Variants in CCDC62 observed in about 807,000 individuals in gnomAD.
CCDC62 encodes the protein coiled-coil domain-containing protein 62.
Under a neutral mutation model 80.8 loss-of-function variants are expected in CCDC62, and 72 were observed. The ratio of observed to expected loss-of-function variants is 0.89; its 90% confidence interval spans 0.74 to 1.08. CCDC62 has a LOEUF of 1.08. Among genes scored for constraint, CCDC62 ranks in the 50% least tolerant of loss-of-function variants. The probability of loss-of-function intolerance (pLI) is 0.00; values close to 1 mark genes in which losing one functional copy is unlikely to be tolerated. For missense variants in CCDC62, 704 were observed against 809.4 expected (o/e 0.87, Z 1.58); for synonymous variants, 286 against 296.5 (o/e 0.96, Z 0.36).
intron 11 of CCDC62, among the ~76,000 whole-genome samples, chr12:122,819,397 G>A (rs968708085): frequency 1.3e-5 from 2 of 152,140 alleles, no homozygotes; most frequent in Non-Finnish European, 2.9e-5. Context: ...CAGGGAGCAG[G>A]CAATGATTCA....
At chr12:122,792,200 TG>T in intron 6 of CCDC62, 79 bp downstream of exon 6, 20 of 762,862 alleles carry the variant, frequency 2.6e-5, no homozygotes, top group East Asian at 1.1e-4. Flanking sequence ...TCTCCCAAAA[TG>T]GTTTTTTTTT....
chr12:122,824,299 C>T (rs1258998933), intron 12 of CCDC62, among the ~76,000 whole-genome samples: 2 of 151,966 alleles, frequency 1.3e-5, no homozygotes, highest in Non-Finnish European at 2.9e-5. Context: ...ACCTGTAATC[C>T]CAGCTACTCG....
chr12:122,816,573 A>AT (rs1051976370), intron 11 of CCDC62, among the ~76,000 whole-genome samples: 3 of 151,960 alleles, frequency 2.0e-5, no homozygotes, highest in Non-Finnish European at 4.4e-5. Context: ...AAAATAAAAA[A>AT]TTTTTTTTAA....
chr12:122,824,913 T>G (rs2032554269), intron 12 of CCDC62, among the ~76,000 whole-genome samples: 1 of 151,764 alleles, frequency 6.6e-6, no homozygotes, highest in Non-Finnish European at 1.5e-5. Context: ...GGTGAAACCC[T>G]GTCTCTACTA....
intron 3 of CCDC62, among the ~76,000 whole-genome samples, chr12:122,784,168 C>CT (rs545062092): frequency 9.9e-5 from 15 of 152,126 alleles, no homozygotes; most frequent in Non-Finnish European, 1.6e-4. Context: ...TTCAGATTGC[C>CT]TTTTTTCACT....
chr12:122,797,262 G>A (rs2031017600), intron 6 of CCDC62, 45 bp from the exon 7 acceptor site: 3 of 903,250 alleles, frequency 3.3e-6, no homozygotes, highest in Non-Finnish European at 5.6e-6. Context: ...AGGTTTGTGT[G>A]GCTATAGCTG....
chr12:122,807,529 CAAA>C (rs35131700), intron 10 of CCDC62, among the ~76,000 whole-genome samples: 1 of 104,748 alleles, frequency 9.5e-6, no homozygotes, highest in African/African-American at 4.0e-5. Context: ...GACTCTGTCT[CAAA>C]AAAAAAAAAA....
chr12:122,798,846 G>A (rs918091710), intron 8 of CCDC62, among the ~76,000 whole-genome samples: 13 of 151,882 alleles, frequency 8.6e-5, no homozygotes, highest in African/African-American at 2.9e-4. Context: ...TTGGGAGGCC[G>A]AGGCAGGTGG....
At chr12:122,799,750 C>T (rs1404614745) in intron 8 of CCDC62, among the ~76,000 whole-genome samples, 1 of 152,118 alleles carries the variant, frequency 6.6e-6, no homozygotes, top group East Asian at 1.9e-4. Context: ...AGCGACTTTC[C>T]CTGGGAGAAT....
chr12:122,780,658 AT>A (rs1207558643), intron 2 of CCDC62, among the ~76,000 whole-genome samples: 5 of 151,112 alleles, frequency 3.3e-5, no homozygotes, highest in African/African-American at 1.2e-4. Flanking sequence ...ATAAAATAAA[AT>A]AAAATAAAAT....
chr12:122,804,298 C>A (rs1431831585), intron 9 of CCDC62, among the ~76,000 whole-genome samples: 1 of 152,136 alleles, frequency 6.6e-6, no homozygotes, highest in African/African-American at 2.4e-5. Flanking sequence ...ACCGACCTGG[C>A]CAACATGGTG....
chr12:122,777,116 A>G (rs982188790), intron 1 of CCDC62: 4 of 177,632 alleles, frequency 2.3e-5, no homozygotes, highest in African/African-American at 9.6e-5. Context: ...GTTTACCTGT[A>G]CTTGGTTACT....
chr12:122,810,040 A>C (rs1318352941), intron 10 of CCDC62, among the ~76,000 whole-genome samples: 1 of 152,184 alleles, frequency 6.6e-6, no homozygotes, highest in African/African-American at 2.4e-5. Context: ...AAAGACTTAA[A>C]TGTTAGACCT....
intron 10 of CCDC62, among the ~76,000 whole-genome samples, chr12:122,809,197 T>C (rs774724453): frequency 5.3e-5 from 8 of 152,238 alleles, no homozygotes; most frequent in Non-Finnish European, 1.2e-4. Flanking sequence ...AAAACACTTA[T>C]CAGGCCATCA....
At chr12:122,817,202 C>T (rs569561969) in intron 11 of CCDC62, among the ~76,000 whole-genome samples, 2 of 143,184 alleles carry the variant, frequency 1.4e-5, no homozygotes, top group Non-Finnish European at 3.0e-5. Context: ...CAGGCACCCG[C>T]CACCACGCCT....
chr12:122,774,932 A>T (rs1208012981), intron 1 of CCDC62, among the ~76,000 whole-genome samples: 17 of 142,000 alleles, frequency 1.2e-4, no homozygotes, highest in Non-Finnish European at 1.6e-4. Flanking sequence ...TACTAAAAAT[A>T]AAAAAAAAAA....
At position 122,823,465 on chromosome 12, in the gene CCDC62, T is replaced by C; in HGVS notation, c.*40+6T>C. 7.4e-7 allele frequency: 1 copy of C among 1,342,744 alleles called. No homozygotes were observed. Among genetic ancestry groups the C allele is most frequent in the Non-Finnish European group, 1.1e-6 (1 of 934,534 alleles). The allele number at this position is 1,342,744 out of a possible 1,614,324, so 83.2% of individuals were successfully genotyped here. A position where few individuals can be genotyped will look rare whatever the true frequency, so the allele number is the denominator to read the frequency against. The stretch of plus-strand genomic sequence containing the variant: ...AGTATTCATCGTGATCACGAGTAAG[T>C]CACCTTTGCTTATCTCACCTTATAT... On this transcript the variant is annotated splice_donor_region_variant and intron_variant, in intron 12 of 12. Coordinates refer to ENST00000253079, the MANE Select transcript of CCDC62 (RefSeq NM_201435.5).
At chr12:122,791,351 C>T (rs1163239121) in intron 5 of CCDC62, among the ~76,000 whole-genome samples, 12 of 151,856 alleles carry the variant, frequency 7.9e-5, no homozygotes. Context: ...GTTGGCCAGG[C>T]TGGTTTCGAA....
At chr12:122,795,549 G>A (rs1026840729) in intron 6 of CCDC62, among the ~76,000 whole-genome samples, 5 of 151,906 alleles carry the variant, frequency 3.3e-5, no homozygotes, top group Admixed American at 6.6e-5. Context: ...TCAGCCTCCC[G>A]AGTAGCTGGG....
Sources: allele counts gnomAD v4.1 joint callset (sites outside exome capture counted in the v4.1 genomes callset), GRCh38; gene constraint gnomAD v4.1.1; transcripts MANE v1.5; gene names NCBI Gene and HGNC (gene_info 2026-07-23, HGNC 2026-07-21).